The following PHACTR1 variants were observed in gnomAD, a reference collection of about 807,000 sequenced individuals.
PHACTR1 encodes the protein RPEL repeat containing 1.
PHACTR1 carries 16 observed loss-of-function variants against 69.2 expected under a neutral mutation model. That is an observed-to-expected ratio of 0.23 (90% CI 0.16 to 0.35). The LOEUF (loss-of-function observed/expected upper bound fraction) is 0.35, where lower values mean the gene tolerates loss of function less well. PHACTR1 is among the 10% of genes least tolerant of loss of function. The probability of loss-of-function intolerance (pLI) is 1.00; values close to 1 mark genes in which losing one functional copy is unlikely to be tolerated. For missense variants in PHACTR1, 510 were observed against 734.7 expected (o/e 0.69, Z 3.54); for synonymous variants, 312 against 284.5 (o/e 1.10, Z -0.97).
chr6:13,084,272 G>A (rs1811908404), intron 5 of PHACTR1, among the ~76,000 whole-genome samples: 3 of 150,144 alleles, frequency 2.0e-5, no homozygotes, highest in African/African-American at 7.4e-5. Flanking sequence ...ACTATCGCAA[G>A]GACAAAAAAC....
chr6:12,892,379 C>T (rs1784244666), intron 4 of PHACTR1, among the ~76,000 whole-genome samples: 1 of 152,140 alleles, frequency 6.6e-6, no homozygotes, highest in Admixed American at 6.5e-5. Context: ...ACTTCTTTTG[C>T]TTGGATAGTG....
chr6:12,849,694 C>T (rs991175671), intron 4 of PHACTR1, among the ~76,000 whole-genome samples: 11 of 152,064 alleles, frequency 7.2e-5, no homozygotes, highest in Non-Finnish European at 1.5e-4. Context: ...TGTCATAAAC[C>T]ATCATCTGTG....
rs893007299 is a variant in PHACTR1 at position 13,062,498 on chromosome 6, C to T, written c.415+8969C>T. On this transcript the variant is annotated intron_variant, in intron 5 of 14. Transcript: ENST00000332995. ...GTCCCAGGAATCACTTCCATGGAAG[C>T]CCATGTTTCTAGAATTATTCTTCTT... Among the ~76,000 whole-genome samples the T allele has an allele frequency of 3.3e-4, 50 of 152,170 alleles. 1 individual carries two copies. The highest frequency in any genetic ancestry group is 1.2e-3 in the African/African-American group (50 of 41,446).
chr6:12,982,405 G>T (rs1234027192), intron 4 of PHACTR1, among the ~76,000 whole-genome samples: 1 of 152,384 alleles, frequency 6.6e-6, no homozygotes, highest in East Asian at 1.9e-4. Flanking sequence ...TATCAGCCGG[G>T]CATGGTGGCT....
At chr6:13,071,384 C>T (rs1033213099) in intron 5 of PHACTR1, among the ~76,000 whole-genome samples, 1 of 151,908 alleles carries the variant, frequency 6.6e-6, no homozygotes, top group Non-Finnish European at 1.5e-5. Flanking sequence ...GCCAAGATCA[C>T]GCTACTGCAC....
At chr6:13,163,532 G>A (rs1759351715) in intron 6 of PHACTR1, among the ~76,000 whole-genome samples, 1 of 152,216 alleles carries the variant, frequency 6.6e-6, no homozygotes, top group Non-Finnish European at 1.5e-5. Context: ...ATGTTGGGAA[G>A]AGGAGAAGAA....
chr6:12,984,311 G>A (rs540340865), intron 4 of PHACTR1, among the ~76,000 whole-genome samples: 1 of 152,356 alleles, frequency 6.6e-6, no homozygotes, highest in East Asian at 1.9e-4. Context: ...GGGCCATATA[G>A]TCAAGAGTGT....
Position 13,134,854 on chromosome 6 carries a change from C to G in PHACTR1, c.416-25350C>G, listed in dbSNP as rs373190661. Among the ~76,000 whole-genome samples, 9 of 149,124 alleles carry G rather than the reference C, an allele frequency of 6.0e-5. No individual in the cohort carries two copies. In the East Asian group the frequency reaches 1.2e-3, roughly 20 times the overall value. On this transcript the variant is annotated intron_variant, in intron 5 of 14. Transcript: ENST00000332995. ...CAGTAATTCCATGAGGCAGGGGACT[C>G]TACGTCCATTTCAGGGGCTGATAAA...
intron 4 of PHACTR1, among the ~76,000 whole-genome samples, chr6:12,962,586 T>C (rs1316053019): frequency 2.0e-5 from 3 of 152,124 alleles, no homozygotes; most frequent in Non-Finnish European, 2.9e-5. Context: ...GAAGCTTGAC[T>C]CTCTAGAGTA....
At chr6:12,963,476 T>A (rs116165918) in intron 4 of PHACTR1, among the ~76,000 whole-genome samples, 2 of 150,638 alleles carry the variant, frequency 1.3e-5, no homozygotes, top group Non-Finnish European at 1.5e-5. Context: ...ACAAACCAAC[T>A]GACGATGGTG....
At chr6:13,058,844 A>G (rs1807206282) in intron 5 of PHACTR1, among the ~76,000 whole-genome samples, 1 of 152,076 alleles carries the variant, frequency 6.6e-6, no homozygotes, top group Non-Finnish European at 1.5e-5. Flanking sequence ...GAGAATGGAG[A>G]GCTGAGTGTC....
At chr6:13,160,330 G>A in intron 6 of PHACTR1, 46 bp downstream of exon 6, 1 of 1,498,760 alleles carries the variant, frequency 6.7e-7, no homozygotes, top group African/African-American at 1.4e-5. Flanking sequence ...AGTCATGCGT[G>A]GAATCTGCAT....
intron 4 of PHACTR1, among the ~76,000 whole-genome samples, chr6:12,903,208 AG>A (rs1785383453): frequency 6.6e-6 from 1 of 152,132 alleles, no homozygotes; most frequent in South Asian, 2.1e-4. Context: ...AATGCCGTCA[AG>A]GGTTCCTGAG....
intron 4 of PHACTR1, among the ~76,000 whole-genome samples, chr6:12,792,009 G>A (rs1772345068): frequency 6.6e-6 from 1 of 152,136 alleles, no homozygotes; most frequent in Non-Finnish European, 1.5e-5. Context: ...AAGGAAGGCA[G>A]CCCCAACAAT....
chr6:12,749,820 C>G, intron 4 of PHACTR1, 30 bp downstream of exon 4: 1 of 1,536,832 alleles, frequency 6.5e-7, no homozygotes, highest in Non-Finnish European at 8.7e-7. Flanking sequence ...CGCGCCCCCG[C>G]CCCCGCCCTG....
chr6:13,173,399 A>G, intron 6 of PHACTR1, among the ~76,000 whole-genome samples: 1 of 152,218 alleles, frequency 6.6e-6, no homozygotes, highest in Non-Finnish European at 1.5e-5. Flanking sequence ...CTACATTTAA[A>G]ATTCCTTAAA....
chr6:12,919,911 G>A (rs1432639847), intron 4 of PHACTR1, among the ~76,000 whole-genome samples: 1 of 152,094 alleles, frequency 6.6e-6, no homozygotes, highest in African/African-American at 2.4e-5. Flanking sequence ...ATTGTCATAG[G>A]GGCCTAAATT....
At chr6:13,222,551 C>T (rs1421022868) in intron 8 of PHACTR1, among the ~76,000 whole-genome samples, 2 of 152,206 alleles carry the variant, frequency 1.3e-5, no homozygotes, top group African/African-American at 2.4e-5. Context: ...CATCATTCAG[C>T]GAATGCTGCA....
chr6:13,104,638 A>G (rs1815790698), intron 5 of PHACTR1, among the ~76,000 whole-genome samples: 1 of 152,210 alleles, frequency 6.6e-6, no homozygotes, highest in Non-Finnish European at 1.5e-5. Flanking sequence ...ACAGCCTTTC[A>G]TTCTCATTGT....
Sources: gnomAD v4.1 joint callset for allele counts (sites outside exome capture counted in the v4.1 genomes callset) on GRCh38, gnomAD v4.1.1 for gene constraint, MANE v1.5 for transcripts, NCBI Gene and HGNC (gene_info 2026-07-23, HGNC 2026-07-21) for gene names.